GRIA1: variants seen among roughly 807,000 people sequenced by gnomAD.
The protein encoded by GRIA1 is glutamate receptor 1.
GRIA1 carries 31 observed loss-of-function variants against 99.2 expected under a neutral mutation model. The observed-to-expected ratio is 0.31, with a 90% CI of 0.23 to 0.42. The LOEUF is 0.42. Ranked by LOEUF, GRIA1 falls within the 10% of genes least tolerant of loss-of-function variation. GRIA1 has a pLI of 1.00. For synonymous variants in GRIA1, 438 were observed against 432.4 expected (o/e 1.01, Z -0.16); for missense variants, 782 against 1,157.5 (o/e 0.68, Z 4.71).
At position 153,603,579 on chromosome 5, in the gene GRIA1, G is replaced by T. The variant is rs1028711770; in HGVS notation, c.221-43349G>T. Among the ~76,000 whole-genome samples, 4 of 152,278 alleles carry T rather than the reference G, an allele frequency of 2.6e-5. No individual in the cohort carries two copies. The East Asian group carries it at 5.8e-4, about 22-fold the overall frequency. Reference sequence around the variant, plus strand: ...TTATTGAGTGCCTAAGGTAGTAAAGGCTTGAGAAGCTGGAGCCTATTTTCA... The same window carrying T: ...TTATTGAGTGCCTAAGGTAGTAAAGTCTTGAGAAGCTGGAGCCTATTTTCA... On this transcript the variant is annotated intron_variant, in intron 2 of 15. Transcript: ENST00000285900.
At chr5:153,657,057 A>G (rs762025358) in intron 5 of GRIA1, among the ~76,000 whole-genome samples, 7 of 152,192 alleles carry the variant, frequency 4.6e-5, no homozygotes, top group Non-Finnish European at 8.8e-5. Context: ...TTATTGCCAA[A>G]CAATATTTCA....
chr5:153,615,334 A>C (rs1766389333), intron 2 of GRIA1, among the ~76,000 whole-genome samples: 2 of 152,220 alleles, frequency 1.3e-5, no homozygotes, highest in African/African-American at 2.4e-5. Context: ...ACCCAGAAAT[A>C]ACCACCACAA....
intron 2 of GRIA1, among the ~76,000 whole-genome samples, chr5:153,543,485 C>A (rs1168183825): frequency 1.3e-5 from 2 of 152,184 alleles, no homozygotes; most frequent in African/African-American, 4.8e-5. Flanking sequence ...TGAGAGCCTA[C>A]ATTTAGTAAA....
chr5:153,787,363 G>T (rs1436161327), intron 13 of GRIA1, among the ~76,000 whole-genome samples: 1 of 152,034 alleles, frequency 6.6e-6, no homozygotes, highest in African/African-American at 2.4e-5. Flanking sequence ...TTGTTCTTTG[G>T]CCCTCTTGGG....
At chr5:153,645,049 T>TTGTTTTGTC (rs1182767537) in intron 2 of GRIA1, among the ~76,000 whole-genome samples, 1 of 152,116 alleles carries the variant, frequency 6.6e-6, no homozygotes, top group Admixed American at 6.6e-5. Context: ...TGTGTTTTGT[T>TTGTTTTGTC]TGTTTTGTCT....
intron 12 of GRIA1, among the ~76,000 whole-genome samples, chr5:153,767,824 C>G (rs1038963583): frequency 6.6e-6 from 1 of 152,118 alleles, no homozygotes; most frequent in African/African-American, 2.4e-5. Flanking sequence ...GAACAAATAC[C>G]CTGAGTATGC....
At chr5:153,724,082 G>A (rs982895730) in intron 11 of GRIA1, among the ~76,000 whole-genome samples, 2 of 152,202 alleles carry the variant, frequency 1.3e-5, no homozygotes, top group African/African-American at 4.8e-5. Flanking sequence ...AGCATTTGCG[G>A]TTCACGAAAA....
At chr5:153,497,106 G>T (rs1267050508) in intron 2 of GRIA1, among the ~76,000 whole-genome samples, 1 of 152,122 alleles carries the variant, frequency 6.6e-6, no homozygotes, top group Non-Finnish European at 1.5e-5. Flanking sequence ...TACTGGCCAA[G>T]GTGAGAGTTT....
At chr5:153,801,952 C>CGGGG (rs11348503) in intron 14 of GRIA1, among the ~76,000 whole-genome samples, 1 of 79,124 alleles carries the variant, frequency 1.3e-5, no homozygotes. Flanking sequence ...GAAATTGGGG[C>CGGGG]GGGGGGGGGC....
intron 11 of GRIA1, among the ~76,000 whole-genome samples, chr5:153,721,353 T>C (rs777580174): frequency 6.6e-6 from 1 of 152,224 alleles, no homozygotes; most frequent in Non-Finnish European, 1.5e-5. Context: ...ATTTTCTTTT[T>C]ATAAATTTTA....
chr5:153,491,134 G>T, intron 1 of GRIA1, 164 bp downstream of exon 1: 1 of 973,788 alleles, frequency 1.0e-6, no homozygotes, highest in Non-Finnish European at 1.5e-6. Flanking sequence ...CCAGAGGAGG[G>T]GGCTTCTCCT....
chr5:153,490,611 A>T, upstream of GRIA1: 1 of 500,052 alleles, frequency 2.0e-6, no homozygotes, highest in South Asian at 2.2e-5. Context: ...GGGAGAGGAG[A>T]GGGAGTGGGG....
intron 11 of GRIA1, among the ~76,000 whole-genome samples, chr5:153,715,344 C>T (rs1233203805): frequency 6.6e-6 from 1 of 151,810 alleles, no homozygotes; most frequent in African/African-American, 2.4e-5. Context: ...CAACTCCTTC[C>T]CCATTTGCAA....
chr5:153,685,730 A>G (rs947415872), intron 7 of GRIA1, among the ~76,000 whole-genome samples: 9 of 152,238 alleles, frequency 5.9e-5, no homozygotes, highest in African/African-American at 2.2e-4. Context: ...AATAAAGAAG[A>G]AATTCTTAAA....
intron 12 of GRIA1, among the ~76,000 whole-genome samples, chr5:153,768,385 C>G (rs1014477366): frequency 1.3e-5 from 2 of 151,956 alleles, no homozygotes; most frequent in Non-Finnish European, 2.9e-5. Flanking sequence ...AAACTAAGGC[C>G]CAAAGAGAAG....
chr5:153,593,452 T>C (rs918078795), intron 2 of GRIA1, among the ~76,000 whole-genome samples: 4 of 152,166 alleles, frequency 2.6e-5, no homozygotes, highest in African/African-American at 4.8e-5. Context: ...CTATGGCAGA[T>C]GCAGAATATT....
At chr5:153,518,932 G>A (rs2113359447) in intron 2 of GRIA1, among the ~76,000 whole-genome samples, 1 of 152,248 alleles carries the variant, frequency 6.6e-6, no homozygotes, top group South Asian at 2.1e-4. Context: ...TGACCGTCCT[G>A]GACTGGTAGA....
intron 2 of GRIA1, 68 bp from the exon 3 acceptor site, chr5:153,646,860 A>C: frequency 6.5e-7 from 1 of 1,545,728 alleles, no homozygotes; most frequent in Non-Finnish European, 8.8e-7. Context: ...TAGTGGATGG[A>C]TTCATTTTGG....
chr5:153,532,598 G>A lies in GRIA1; in HGVS notation c.220+38533G>A, dbSNP rs192975164. 2.0e-5 allele frequency among the ~76,000 whole-genome samples: 3 copies of A among 152,286 alleles called. No individual in the cohort carries two copies. The East Asian group carries it at 5.8e-4, about 29-fold the overall frequency. ...GCAGTGTCTTGGACTCCTCAACATT[G>A]AGGATGTCATGTATGTGTCATTTAT... On this transcript the variant is annotated intron_variant, in intron 2 of 15. Coordinates refer to ENST00000285900, the MANE Select transcript of GRIA1 (RefSeq NM_000827.4).
Sources: allele counts gnomAD v4.1 joint callset (sites outside exome capture counted in the v4.1 genomes callset), GRCh38; gene constraint gnomAD v4.1.1; transcripts MANE v1.5; gene names NCBI Gene and HGNC (gene_info 2026-07-23, HGNC 2026-07-21).